CFAP36: variants seen among roughly 807,000 people sequenced by gnomAD.
CFAP36 encodes the protein cilia- and flagella-associated protein 36.
CFAP36 carries 37 observed loss-of-function variants against 50.5 expected under a neutral mutation model. The ratio of observed to expected loss-of-function variants is 0.73; its 90% CI spans 0.56 to 0.96. The LOEUF (loss-of-function observed/expected upper bound fraction) is 0.96, where lower values mean the gene tolerates loss of function less well. Among genes scored for constraint, CFAP36 ranks in the 50% least tolerant of loss-of-function variants. The pLI is 0.00. For missense variants in CFAP36, 407 were observed against 396.2 expected, an observed-to-expected ratio of 1.03 and a Z score of -0.23; for synonymous variants, 138 against 128.2, an observed-to-expected ratio of 1.08 and a Z score of -0.52.
chr2:55,522,237 A>C, intron 2 of CFAP36, 71 bp downstream of exon 2: 1 of 786,432 alleles, frequency 1.3e-6, no homozygotes, highest in South Asian at 2.0e-5. Flanking sequence ...CTAAATGAAG[A>C]AAAATATTTT....
Position 55,523,736 on chromosome 2 carries a change from G to A in CFAP36, c.196G>A (p.Glu66Lys). The change falls in exon 3 of 10, where the codon GAA (glutamate) becomes AAA (lysine). Residue 66 changes from glutamate (E) to lysine (K), a missense_variant. By Grantham distance (56) the Glu-to-Lys change is moderately conservative. Coordinates refer to ENST00000349456, the MANE Select transcript of CFAP36 (RefSeq NM_080667.7). ...EYKELVEKLL[E>K]GYLKEIGINE... Reference sequence around the variant, plus strand: ...GTTTTTTTAGGTTGAAAAGCTGTTAGAAGGTTACCTCAAAGAAATTGGAAT... The same window carrying A: ...GTTTTTTTAGGTTGAAAAGCTGTTAAAAGGTTACCTCAAAGAAATTGGAAT... 1 of 1,603,624 alleles carries A rather than the reference G, an allele frequency of 6.2e-7. No homozygotes were observed. The highest frequency in any genetic ancestry group is 8.5e-7 in the Non-Finnish European group (1 of 1,174,090).
intron 7 of CFAP36, among the ~76,000 whole-genome samples, chr2:55,542,627 A>G (rs1187107888): frequency 1.3e-5 from 2 of 152,224 alleles, no homozygotes; most frequent in Admixed American, 6.5e-5. Context: ...GCCTGAGAAT[A>G]TACGTATGTT....
chr2:55,537,607 C>A (rs374978931), intron 7 of CFAP36, 22 bp downstream of exon 7: 2 of 1,470,934 alleles, frequency 1.4e-6, no homozygotes, highest in African/African-American at 1.5e-5. Context: ...GTGTACTGAA[C>A]TTTCTCTAAT....
At chr2:55,535,252 G>C (rs1684451031) in intron 5 of CFAP36, among the ~76,000 whole-genome samples, 1 of 152,214 alleles carries the variant, frequency 6.6e-6, no homozygotes, top group African/African-American at 2.4e-5. Flanking sequence ...TACAAAAGTT[G>C]ATGGGCTTTG....
chr2:55,536,752 A>C (rs1042257980), intron 6 of CFAP36, among the ~76,000 whole-genome samples: 4 of 150,166 alleles, frequency 2.7e-5, no homozygotes. Context: ...TAAAGTATAT[A>C]CTTTTTTTTT....
At chr2:55,536,641 A>G (rs952813507) in intron 6 of CFAP36, among the ~76,000 whole-genome samples, 6 of 151,834 alleles carry the variant, frequency 4.0e-5, no homozygotes, top group African/African-American at 1.5e-4. Flanking sequence ...CAGTAGAGAC[A>G]GGGTTTCACC....
intron 3 of CFAP36, among the ~76,000 whole-genome samples, chr2:55,524,747 C>T (rs62165176): frequency 0.016 from 2,491 of 151,952 alleles, 41 homozygotes; most frequent in Middle Eastern, 0.044. Flanking sequence ...TTTGGGAGGC[C>T]GAGGCGGGCA....
chr2:55,523,647 CTAAA>C lies in CFAP36; in HGVS notation c.181-71_181-68del, dbSNP rs944678105. 4.9e-5 allele frequency: 46 copies of C among 930,326 alleles called. No individual in the cohort carries two copies. In the African/African-American group the frequency reaches 7.2e-4, roughly 14 times the overall value. The allele number at this position is 930,326 out of a possible 1,614,324, so 57.6% of individuals were successfully genotyped here. ...AAAAATTCGATGATACTTTTCTAAA[CTAAA>C]TACTTAATATGCAAACTGTCATGTA... is the stretch of plus-strand genomic sequence containing the variant. On this transcript the variant is annotated intron_variant, in intron 2 of 9. Transcript: ENST00000349456.
chr2:55,519,766 G>C lies in CFAP36; in HGVS notation c.-36G>C, dbSNP rs752393299. 1.9e-6 allele frequency: 3 copies of C among 1,610,006 alleles called. No homozygotes were observed. The highest frequency in any genetic ancestry group is 2.7e-5 in the African/African-American group (2 of 74,858). ...GGCCTAACCGGGGTCCGGCGGTCTGGCCTAGGGATCTTCCCCGTTGCCCCT... is the reference window on the plus strand; with the variant it reads ...GGCCTAACCGGGGTCCGGCGGTCTGCCCTAGGGATCTTCCCCGTTGCCCCT... On this transcript the variant is annotated 5_prime_UTR_variant, in exon 1 of 10. Coordinates refer to ENST00000349456, the MANE Select transcript of CFAP36 (RefSeq NM_080667.7).
At chr2:55,520,934 T>C (rs948528427) in intron 1 of CFAP36, among the ~76,000 whole-genome samples, 1 of 152,174 alleles carries the variant, frequency 6.6e-6, no homozygotes, top group East Asian at 1.9e-4. Context: ...CAGCAGTGTT[T>C]GAATGGATCT....
chr2:55,523,860 A>G, intron 3 of CFAP36, 38 bp downstream of exon 3: 2 of 1,329,622 alleles, frequency 1.5e-6, no homozygotes, highest in East Asian at 2.4e-5. Flanking sequence ...ATACAGTTTT[A>G]ACAAATGCCC....
At chr2:55,536,895 C>A (rs533340328) in intron 6 of CFAP36, among the ~76,000 whole-genome samples, 165 of 145,716 alleles carry the variant, frequency 1.1e-3, no homozygotes, top group Middle Eastern at 6.8e-3. Context: ...TAGGTGCCTG[C>A]CACCACTCTT....
intron 3 of CFAP36, among the ~76,000 whole-genome samples, chr2:55,526,961 G>A (rs1684222493): frequency 6.6e-6 from 1 of 152,060 alleles, no homozygotes; most frequent in African/African-American, 2.4e-5. Context: ...CCAAGAATTT[G>A]AGGCTGCAGT....
intron 7 of CFAP36, 95 bp from the exon 8 acceptor site, chr2:55,543,843 T>C: frequency 8.4e-7 from 1 of 1,196,488 alleles, no homozygotes; most frequent in Non-Finnish European, 1.2e-6. Flanking sequence ...GAAAAACAAG[T>C]ATTATTAACA....
intron 6 of CFAP36, among the ~76,000 whole-genome samples, chr2:55,536,436 A>C (rs1684490880): frequency 6.6e-6 from 1 of 150,648 alleles, no homozygotes; most frequent in South Asian, 2.1e-4. Context: ...CGGCCAGAAC[A>C]ACCTTTTATA....
intron 4 of CFAP36, among the ~76,000 whole-genome samples, chr2:55,532,977 T>G (rs547986285): frequency 6.6e-6 from 1 of 152,240 alleles, no homozygotes; most frequent in South Asian, 2.1e-4. Context: ...TTTATAATTA[T>G]TAGACCAACA....
chr2:55,535,772 A>G lies in CFAP36; in HGVS notation c.537+9A>G. On this transcript the variant is annotated intron_variant, in intron 6 of 9. Coordinates refer to ENST00000349456, the MANE Select transcript of CFAP36 (RefSeq NM_080667.7). ...GGAAGAGGAAAAAACAGGTGCCTAC[A>G]GAACATATAACAGAAGTATTTTATT... 6.4e-7 allele frequency: 1 copy of G among 1,555,070 alleles called. No homozygotes were observed. Among genetic ancestry groups the G allele is most frequent in the Non-Finnish European group, 8.6e-7 (1 of 1,159,362 alleles).
Position 55,522,217 on chromosome 2 carries a change from T to TA in CFAP36, c.180+52dup, listed in dbSNP as rs2103630566. ...TAAAAGTAATTAGGCTAATACTACT[T>TA]ATAGCTTTTCTAAATGAAGAAAAAT... On this transcript the variant is annotated intron_variant, in intron 2 of 9. Coordinates refer to ENST00000349456, the MANE Select transcript of CFAP36 (RefSeq NM_080667.7). The TA allele has an allele frequency of 3.3e-6, 3 of 896,664 alleles. No individual in the cohort carries two copies. The East Asian group carries it at 7.8e-5, about 23-fold the overall frequency. 55.5% of individuals were successfully genotyped at this position (896,664 alleles called of 1,614,324 possible).
chr2:55,543,305 T>C (rs1444809242), intron 7 of CFAP36, among the ~76,000 whole-genome samples: 1 of 152,198 alleles, frequency 6.6e-6, no homozygotes, highest in East Asian at 1.9e-4. Flanking sequence ...TAACTCTCTC[T>C]CTTGGTTGGC....
Sources: allele counts gnomAD v4.1 joint callset (sites outside exome capture counted in the v4.1 genomes callset), GRCh38; gene constraint gnomAD v4.1.1; transcripts MANE v1.5; gene names NCBI Gene and HGNC (gene_info 2026-07-23, HGNC 2026-07-21).